Variants in PRKCE observed in about 807,000 individuals in gnomAD.
PRKCE encodes the protein protein kinase C epsilon.
In PRKCE, 16 loss-of-function variants were observed where a neutral mutation model predicts 85.4. The observed-to-expected ratio is 0.19, with a 90% CI of 0.13 to 0.28. The LOEUF is 0.28. PRKCE is among the 10% of genes least tolerant of loss of function. PRKCE has a pLI of 1.00. For synonymous variants in PRKCE, 388 were observed against 371.5 expected, an observed-to-expected ratio of 1.04 and a Z score of -0.51; for missense variants, 573 against 975.2, an observed-to-expected ratio of 0.59 and a Z score of 5.49.
chr2:46,184,872 G>T lies in PRKCE; in HGVS notation c.2205G>T (p.Leu735=), dbSNP rs765854408. 8 of 1,599,790 alleles carry T rather than the reference G, an allele frequency of 5.0e-6. No homozygotes were observed. The highest frequency in any genetic ancestry group is 6.8e-6 in the Non-Finnish European group (8 of 1,179,952). The change falls in exon 15 of 15, where the codon CTG becomes CTT. Residue 735 remains leucine (L), a synonymous_variant. Transcript: ENST00000306156. The surrounding 1 kb of genome is among the most constrained non-coding windows in gnomAD (Gnocchi z 5.0). ...FKGFSYFGED[L]MP Reference sequence around the variant, plus strand: ...GTTTCTCCTACTTTGGTGAAGACCTGATGCCCTGAGAGCCCACTGCAGTTG... The same window carrying T: ...GTTTCTCCTACTTTGGTGAAGACCTTATGCCCTGAGAGCCCACTGCAGTTG...
chr2:46,011,864 C>G (rs1705708198), intron 10 of PRKCE, among the ~76,000 whole-genome samples: 1 of 152,162 alleles, frequency 6.6e-6, no homozygotes. Context: ...TCTGATCTCT[C>G]AGGAGAATAA....
At chr2:46,040,487 A>C (rs564908236) in intron 10 of PRKCE, among the ~76,000 whole-genome samples, 10 of 152,144 alleles carry the variant, frequency 6.6e-5, no homozygotes, top group Non-Finnish European at 1.5e-4. Context: ...GGCTCACCCC[A>C]GTTCAACTGA....
At chr2:46,130,684 C>T (rs865915040) in intron 11 of PRKCE, among the ~76,000 whole-genome samples, 3 of 152,300 alleles carry the variant, frequency 2.0e-5, no homozygotes, top group African/African-American at 7.2e-5. Flanking sequence ...ATATTCCTTC[C>T]GCAGACCTCA....
intron 11 of PRKCE, among the ~76,000 whole-genome samples, chr2:46,123,456 A>C (rs1429567667): frequency 3.9e-5 from 6 of 152,052 alleles, no homozygotes; most frequent in Non-Finnish European, 7.4e-5. Context: ...TTGAGATCAC[A>C]TAGAACAAAA....
chr2:46,070,995 A>G (rs1668042011), intron 10 of PRKCE, among the ~76,000 whole-genome samples: 2 of 152,336 alleles, frequency 1.3e-5, no homozygotes, highest in South Asian at 2.1e-4. Context: ...TTTCTAAGCA[A>G]ACAAAAAGGC....
chr2:46,003,643 C>T (rs1412324516), intron 7 of PRKCE, among the ~76,000 whole-genome samples: 2 of 152,254 alleles, frequency 1.3e-5, no homozygotes, highest in South Asian at 2.1e-4. Flanking sequence ...TAAATAAGTG[C>T]CAAACAGGTG....
At chr2:45,937,032 C>T (rs1202215908) in intron 2 of PRKCE, among the ~76,000 whole-genome samples, 1 of 152,152 alleles carries the variant, frequency 6.6e-6, no homozygotes, top group East Asian at 1.9e-4. Context: ...TCCATAGATG[C>T]TTGGACCTTT....
At chr2:45,811,066 C>T (rs770255586) in intron 1 of PRKCE, among the ~76,000 whole-genome samples, 24 of 152,192 alleles carry the variant, frequency 1.6e-4, no homozygotes, top group Non-Finnish European at 2.6e-4. Flanking sequence ...TATCCTATGG[C>T]GAGATTTAGT....
At chr2:45,884,345 G>A (rs538506914) in intron 2 of PRKCE, among the ~76,000 whole-genome samples, 1 of 152,314 alleles carries the variant, frequency 6.6e-6, no homozygotes, top group African/African-American at 2.4e-5. Context: ...TTATTGCTGG[G>A]TAAACCAAAA....
intron 2 of PRKCE, among the ~76,000 whole-genome samples, chr2:45,903,071 T>C (rs1421818678): frequency 2.6e-5 from 4 of 152,222 alleles, no homozygotes; most frequent in Non-Finnish European, 4.4e-5. Flanking sequence ...GTTGAGGAAA[T>C]GCTAGTCTAA....
At chr2:45,736,106 G>A (rs1262758488) in intron 1 of PRKCE, among the ~76,000 whole-genome samples, 2 of 152,062 alleles carry the variant, frequency 1.3e-5, no homozygotes, top group Non-Finnish European at 2.9e-5. Flanking sequence ...GATTACAGGT[G>A]TCTGCCACCA....
intron 2 of PRKCE, among the ~76,000 whole-genome samples, chr2:45,948,136 AT>A (rs1700363710): frequency 6.6e-6 from 1 of 152,218 alleles, no homozygotes; most frequent in Non-Finnish European, 1.5e-5. Context: ...ACAATCACTT[AT>A]TAGTGTTCAT....
chr2:46,015,758 A>T (rs1706086678), intron 10 of PRKCE, among the ~76,000 whole-genome samples: 1 of 151,772 alleles, frequency 6.6e-6, no homozygotes, highest in Non-Finnish European at 1.5e-5. Context: ...CTAAAGAGAC[A>T]GCTATGTCAG....
At chr2:46,108,616 A>G (rs1671968342) in intron 11 of PRKCE, among the ~76,000 whole-genome samples, 1 of 152,216 alleles carries the variant, frequency 6.6e-6, no homozygotes, top group Non-Finnish European at 1.5e-5. Context: ...CAGTATATCA[A>G]TGTAGCAAAA....
At chr2:45,861,625 C>T (rs916105401) in intron 2 of PRKCE, among the ~76,000 whole-genome samples, 6 of 152,206 alleles carry the variant, frequency 3.9e-5, no homozygotes, top group African/African-American at 1.4e-4. Context: ...TCTCCCTTCT[C>T]TCTTGCACAT....
At position 46,183,867 on chromosome 2, in the gene PRKCE, C is replaced by G. The variant is rs144614519; in HGVS notation, c.2068-868C>G. 1.6e-4 allele frequency among the ~76,000 whole-genome samples: 24 copies of G among 152,326 alleles called. No individual in the cohort carries two copies. The East Asian group carries it at 4.6e-3, about 29-fold the overall frequency. On this transcript the variant is annotated intron_variant, in intron 14 of 14. Transcript: ENST00000306156. ...ACCCCTTGAACTCAACTCTAAGCCCCTAAAGGCAGAGAGCATTACTTATAC... is the reference window on the plus strand; with the variant it reads ...ACCCCTTGAACTCAACTCTAAGCCCGTAAAGGCAGAGAGCATTACTTATAC...
At chr2:45,841,559 A>T (rs945629941) in intron 1 of PRKCE, among the ~76,000 whole-genome samples, 1 of 152,244 alleles carries the variant, frequency 6.6e-6, no homozygotes, top group East Asian at 1.9e-4. Context: ...GTGCCCACCC[A>T]GATTGAGAAT....
chr2:45,709,102 C>T (rs1679377897), intron 1 of PRKCE, among the ~76,000 whole-genome samples: 1 of 152,366 alleles, frequency 6.6e-6, no homozygotes, highest in African/African-American at 2.4e-5. Flanking sequence ...CTTACTGGCG[C>T]TGCTGCTCAC....
intron 1 of PRKCE, among the ~76,000 whole-genome samples, chr2:45,806,682 C>T (rs1417394563): frequency 1.3e-5 from 2 of 152,222 alleles, no homozygotes; most frequent in East Asian, 3.8e-4. Context: ...TCATACAGTA[C>T]ATGTCCTTTT....
Sources: allele counts gnomAD v4.1 joint callset (sites outside exome capture counted in the v4.1 genomes callset), GRCh38; gene constraint gnomAD v4.1.1; non-coding constraint Gnocchi (gnomAD v3.1); transcripts MANE v1.5; gene names NCBI Gene and HGNC (gene_info 2026-07-23, HGNC 2026-07-21).